LARGE1: variants seen among roughly 807,000 people sequenced by gnomAD.
LARGE1 encodes LARGE xylosyl- and glucuronyltransferase 1.
In LARGE1, 43 loss-of-function variants were observed where a neutral mutation model predicts 87.6. That is an observed-to-expected ratio of 0.49 (90% CI 0.38 to 0.63). LARGE1 has a LOEUF of 0.63. Among genes scored for constraint, LARGE1 ranks in the 30% least tolerant of loss-of-function variants. The pLI, the probability that LARGE1 is intolerant of heterozygous loss-of-function variation, is 0.00. For missense variants in LARGE1, 802 were observed against 1,000.2 expected, an observed-to-expected ratio of 0.80 and a Z score of 2.67; for synonymous variants, 434 against 394.6, an observed-to-expected ratio of 1.10 and a Z score of -1.18.
chr22:33,661,729 G>T (rs926311386), intron 2 of LARGE1, among the ~76,000 whole-genome samples: 2 of 151,876 alleles, frequency 1.3e-5, no homozygotes, highest in Non-Finnish European at 2.9e-5. Flanking sequence ...CAGATCTACA[G>T]AGAAGAGTTA....
intron 5 of LARGE1, among the ~76,000 whole-genome samples, chr22:33,574,349 A>C (rs1019493353): frequency 6.6e-6 from 1 of 152,190 alleles, no homozygotes; most frequent in Admixed American, 6.5e-5. Flanking sequence ...TAGATTACTT[A>C]TAACACCTAA....
chr22:33,319,724 T>G (rs1936533415), intron 10 of LARGE1, among the ~76,000 whole-genome samples: 1 of 152,078 alleles, frequency 6.6e-6, no homozygotes, highest in Admixed American at 6.6e-5. Context: ...GCCACTGAGA[T>G]CTTACTGGTT....
At chr22:33,455,757 C>CAAA (rs35353034) in intron 6 of LARGE1, among the ~76,000 whole-genome samples, 2,310 of 64,148 alleles carry the variant, frequency 0.036, 107 homozygotes, top group African/African-American at 0.11. Context: ...CTGTCTCAGC[C>CAAA]AAAAAAAAAA....
At chr22:33,317,883 T>A (rs866239916) in intron 10 of LARGE1, among the ~76,000 whole-genome samples, 27 of 152,238 alleles carry the variant, frequency 1.8e-4, no homozygotes, top group African/African-American at 6.5e-4. Context: ...CCACCATGAC[T>A]GGAGCGATGG....
chr22:33,604,574 G>A lies in LARGE1; in HGVS notation c.492-16C>T, dbSNP rs1267371149. On this transcript the variant is annotated splice_polypyrimidine_tract_variant and intron_variant, in intron 4 of 14. Transcript: ENST00000397394. ...AGGGTTCCGTCTGTGGGGAGTGTGA[G>A]AAGGAAGGGTCAGGTGGAGAGGTAC... is the stretch of plus-strand genomic sequence containing the variant. The A allele has an allele frequency of 6.2e-7, 1 of 1,614,028 alleles. No homozygotes were observed. The highest frequency in any genetic ancestry group is 8.5e-7 in the Non-Finnish European group (1 of 1,179,930).
At chr22:33,463,040 G>T (rs1392141746) in intron 6 of LARGE1, among the ~76,000 whole-genome samples, 2 of 151,910 alleles carry the variant, frequency 1.3e-5, no homozygotes, top group East Asian at 1.9e-4. Flanking sequence ...ATTAGAATGA[G>T]AAATAAAAAT....
intron 1 of LARGE1, among the ~76,000 whole-genome samples, chr22:33,800,941 C>A (rs2086141452): frequency 6.6e-6 from 1 of 152,048 alleles, no homozygotes; most frequent in Admixed American, 6.5e-5. Context: ...TTGGCTGTGT[C>A]CCCACCCAAA....
the LARGE1 span, among the ~76,000 whole-genome samples, chr22:33,097,505 C>G: frequency 6.6e-6 from 1 of 152,194 alleles, no homozygotes; most frequent in Non-Finnish European, 1.5e-5. Flanking sequence ...AGAAAAGGAG[C>G]AGCAGAAGAG....
the LARGE1 span, among the ~76,000 whole-genome samples, chr22:33,142,248 C>G: frequency 1.3e-5 from 2 of 152,192 alleles, no homozygotes; most frequent in East Asian, 3.9e-4. Context: ...TCCTTCTGGT[C>G]TTTTCCTGAG....
chr22:33,322,070 C>T (rs543073082), intron 10 of LARGE1, among the ~76,000 whole-genome samples: 2 of 152,284 alleles, frequency 1.3e-5, no homozygotes, highest in South Asian at 4.1e-4. Flanking sequence ...CCACCCGCCT[C>T]GGCCTCCCAA....
rs3072285 is a variant in LARGE1 at position 33,656,058 on chromosome 22, AGTGT to A, written c.107-5394_107-5391del. On this transcript the variant is annotated intron_variant, in intron 2 of 14. Transcript: ENST00000397394. ...TGAGGGACATGGGAGCATAAGCATGAGTGTGTGTGTGTGTGTGTGTGTGTGTACA... is the reference window on the plus strand; with the variant it reads ...TGAGGGACATGGGAGCATAAGCATGAGTGTGTGTGTGTGTGTGTGTGTACA... Among the ~76,000 whole-genome samples the A allele has an allele frequency of 3.4e-3, 515 of 150,098 alleles. 1 individual carries two copies. The highest frequency in any genetic ancestry group is 8.4e-3 in the African/African-American group (347 of 41,126).
chr22:33,740,691 A>C (rs2083847761), intron 2 of LARGE1, among the ~76,000 whole-genome samples: 1 of 152,234 alleles, frequency 6.6e-6, no homozygotes, highest in Non-Finnish European at 1.5e-5. Flanking sequence ...CACCTAGGGG[A>C]AACCTCCACA....
chr22:33,283,139 G>A, intron 13 of LARGE1, 63 bp downstream of exon 13: 1 of 1,602,616 alleles, frequency 6.2e-7, no homozygotes, highest in Non-Finnish European at 8.5e-7. Flanking sequence ...TTTGGCATCT[G>A]GGTTTCCCAG....
intron 6 of LARGE1, among the ~76,000 whole-genome samples, chr22:33,544,819 C>A (rs1602349566): frequency 6.6e-6 from 1 of 152,172 alleles, no homozygotes; most frequent in Non-Finnish European, 1.5e-5. Flanking sequence ...ATCCCTATAG[C>A]CAGGGAGATG....
At chr22:33,261,652 A>G (rs2145748713) in intron 11 of LARGE1, among the ~76,000 whole-genome samples, 1 of 152,226 alleles carries the variant, frequency 6.6e-6, no homozygotes, top group East Asian at 1.9e-4. Flanking sequence ...CCTGTATTTG[A>G]TTCCAGAAGT....
intron 10 of LARGE1, among the ~76,000 whole-genome samples, chr22:33,334,292 T>C (rs149499833): frequency 1.3e-5 from 2 of 151,660 alleles, no homozygotes; most frequent in East Asian, 3.9e-4. Context: ...TGTGCACCTG[T>C]AGCCCTGGCT....
At chr22:33,804,341 A>G (rs1194222410) in intron 1 of LARGE1, among the ~76,000 whole-genome samples, 1 of 152,240 alleles carries the variant, frequency 6.6e-6, no homozygotes, top group Admixed American at 6.5e-5. Context: ...GGTTCAAACC[A>G]GAAGTCAACA....
intron 3 of LARGE1, among the ~76,000 whole-genome samples, chr22:33,640,629 T>G (rs2080399339): frequency 6.6e-6 from 1 of 152,026 alleles, no homozygotes; most frequent in South Asian, 2.1e-4. Context: ...GGGAGCCAAG[T>G]GGTCTCACTC....
At chr22:33,394,252 G>T (rs1454944088) in intron 7 of LARGE1, among the ~76,000 whole-genome samples, 1 of 142,648 alleles carries the variant, frequency 7.0e-6, no homozygotes, top group African/African-American at 2.6e-5. Flanking sequence ...AGGCTGTAGT[G>T]CAGTGGCACA....
Sources: gnomAD v4.1 joint callset for allele counts (sites outside exome capture counted in the v4.1 genomes callset) on GRCh38, gnomAD v4.1.1 for gene constraint, MANE v1.5 for transcripts, NCBI Gene and HGNC (gene_info 2026-07-23, HGNC 2026-07-21) for gene names.